The following PI4K2B variants were observed in gnomAD, a reference collection of about 807,000 sequenced individuals.
PI4K2B encodes phosphatidylinositol 4-kinase type 2-beta.
In PI4K2B, 46 loss-of-function variants were observed where a neutral mutation model predicts 56.6. The ratio of observed to expected loss-of-function variants is 0.81; its 90% CI spans 0.64 to 1.04. The LOEUF (loss-of-function observed/expected upper bound fraction) is 1.04, where lower values mean the gene tolerates loss of function less well. Among genes scored for constraint, PI4K2B ranks in the 50% least tolerant of loss-of-function variants. PI4K2B has a pLI of 0.00. For synonymous variants in PI4K2B, 211 were observed against 223.8 expected (o/e 0.94, Z 0.51); for missense variants, 556 against 607.7 (o/e 0.91, Z 0.89).
chr4:25,274,285 G>C (rs534663620), intron 9 of PI4K2B, among the ~76,000 whole-genome samples: 27 of 152,128 alleles, frequency 1.8e-4, no homozygotes, highest in African/African-American at 6.5e-4. Flanking sequence ...AAGCCCACAA[G>C]TTTATACCAC....
At chr4:25,247,360 T>C (rs1282694867) in intron 1 of PI4K2B, among the ~76,000 whole-genome samples, 1 of 151,976 alleles carries the variant, frequency 6.6e-6, no homozygotes, top group African/African-American at 2.4e-5. Context: ...TTCCATCCAT[T>C]GCAGACATGC....
At chr4:25,270,430 C>T (rs990445704) in intron 9 of PI4K2B, among the ~76,000 whole-genome samples, 20 of 152,090 alleles carry the variant, frequency 1.3e-4, no homozygotes, top group Non-Finnish European at 4.4e-5. Flanking sequence ...ACTTCAACCT[C>T]TGTCTCCCAG....
intron 7 of PI4K2B, among the ~76,000 whole-genome samples, chr4:25,264,227 G>A (rs990687827): frequency 1.3e-5 from 2 of 152,134 alleles, no homozygotes; most frequent in Admixed American, 1.3e-4. Context: ...CATTTTTAGG[G>A]AGTAGTGCTT....
intron 1 of PI4K2B, among the ~76,000 whole-genome samples, chr4:25,244,239 T>G (rs960298012): frequency 6.6e-6 from 1 of 151,620 alleles, no homozygotes; most frequent in African/African-American, 2.4e-5. Context: ...AGCCCGGGGG[T>G]TTGTGGTCCT....
intron 7 of PI4K2B, among the ~76,000 whole-genome samples, chr4:25,264,073 AT>A (rs1417581355): frequency 2.0e-5 from 3 of 152,182 alleles, no homozygotes; most frequent in Non-Finnish European, 4.4e-5. Flanking sequence ...GTTTTGTGTT[AT>A]CCTTGGAAAA....
In PI4K2B at chr4:25,269,207, A is replaced by G; in HGVS notation, c.1272+4A>G. Reference sequence around the variant, plus strand: ...GATGTCTGTGATGAGGGGTCAGGTAAGTTACCTTTTTATTTGTTCATAAGG... The same window carrying G: ...GATGTCTGTGATGAGGGGTCAGGTAGGTTACCTTTTTATTTGTTCATAAGG... On this transcript the variant is annotated splice_donor_region_variant and intron_variant, in intron 9 of 9. Transcript: ENST00000264864. The G allele has an allele frequency of 2.7e-6, 4 of 1,503,628 alleles. No individual in the cohort carries two copies. Among genetic ancestry groups the G allele is most frequent in the Middle Eastern group, 1.7e-4 (1 of 5,796 alleles). 93.1% of individuals were successfully genotyped at this position (1,503,628 alleles called of 1,614,324 possible).
intron 9 of PI4K2B, among the ~76,000 whole-genome samples, chr4:25,272,932 A>G (rs955391633): frequency 1.3e-4 from 20 of 152,170 alleles, no homozygotes; most frequent in African/African-American, 4.8e-4. Flanking sequence ...CCTCAAGTCA[A>G]AATACTTGTG....
chr4:25,244,179 G>A (rs533126222), intron 1 of PI4K2B, among the ~76,000 whole-genome samples: 1 of 152,306 alleles, frequency 6.6e-6, no homozygotes, highest in East Asian at 1.9e-4. Context: ...CATGTACCCA[G>A]GTTGGGCCAA....
chr4:25,238,381 T>C (rs71610845), intron 1 of PI4K2B, among the ~76,000 whole-genome samples: 140 of 152,374 alleles, frequency 9.2e-4, no homozygotes, highest in Non-Finnish European at 1.8e-3. Flanking sequence ...GTAGTTCTTA[T>C]AACTTCCCTA....
At chr4:25,235,323 C>T (rs60410101) in intron 1 of PI4K2B, among the ~76,000 whole-genome samples, 12,463 of 152,254 alleles carry the variant, frequency 0.082, 623 homozygotes, top group African/African-American at 0.14. Flanking sequence ...TCGCTTCACA[C>T]ATGACAACTT....
At chr4:25,276,702 T>C (rs1042266710) in intron 9 of PI4K2B, 3 of 985,262 alleles carry the variant, frequency 3.0e-6, no homozygotes, top group South Asian at 9.4e-5. Flanking sequence ...TGTAGACCTC[T>C]TCACTTACCG....
chr4:25,245,161 C>T (rs142998188), intron 1 of PI4K2B, among the ~76,000 whole-genome samples: 1,953 of 152,260 alleles, frequency 0.013, 57 homozygotes, highest in African/African-American at 0.042. Context: ...GTCCCCACTA[C>T]GATGGGGCTT....
chr4:25,234,698 C>T (rs1274321202), intron 1 of PI4K2B, among the ~76,000 whole-genome samples: 4 of 152,250 alleles, frequency 2.6e-5, no homozygotes, highest in Non-Finnish European at 2.9e-5. Flanking sequence ...TGAGTCAAAA[C>T]TTCTAGAAAC....
intron 1 of PI4K2B, among the ~76,000 whole-genome samples, chr4:25,246,488 G>A (rs899256817): frequency 5.9e-5 from 9 of 152,308 alleles, no homozygotes; most frequent in African/African-American, 2.2e-4. Context: ...GCTGATTGGT[G>A]TATTTACAAT....
chr4:25,240,306 G>C (rs1436042883), intron 1 of PI4K2B, among the ~76,000 whole-genome samples: 1 of 152,204 alleles, frequency 6.6e-6, no homozygotes, highest in Non-Finnish European at 1.5e-5. Context: ...CTAGGCCTTG[G>C]CGGTTTTGGA....
chr4:25,261,437 T>C (rs1716474429), intron 6 of PI4K2B, among the ~76,000 whole-genome samples: 1 of 152,010 alleles, frequency 6.6e-6, no homozygotes, highest in Non-Finnish European at 1.5e-5. Flanking sequence ...GTTTTAGATA[T>C]TTACATAAGA....
rs1355053196 is a variant in PI4K2B, at chr4:25,246,241, C to T, written c.269-6080C>T. On this transcript the variant is annotated intron_variant, in intron 1 of 9. Transcript: ENST00000264864. Reference sequence around the variant, plus strand: ...CCTGAGTGGGTTGCCACTGCTGGTTCGGGCAGCCTGCTTTTGTTCCCTTAT... The same window carrying T: ...CCTGAGTGGGTTGCCACTGCTGGTTTGGGCAGCCTGCTTTTGTTCCCTTAT... 8.5e-5 allele frequency among the ~76,000 whole-genome samples: 13 copies of T among 152,150 alleles called. No individual in the cohort carries two copies. In the South Asian group the frequency reaches 1.7e-3, roughly 19 times the overall value.
intron 1 of PI4K2B, among the ~76,000 whole-genome samples, chr4:25,241,450 C>A (rs1352033026): frequency 2.6e-5 from 4 of 152,208 alleles, no homozygotes; most frequent in African/African-American, 9.6e-5. Context: ...AATTTGTTGG[C>A]AGTCATGCTC....
intron 1 of PI4K2B, among the ~76,000 whole-genome samples, chr4:25,249,066 C>T (rs983420945): frequency 4.6e-5 from 7 of 152,220 alleles, no homozygotes; most frequent in East Asian, 1.9e-4. Flanking sequence ...CATCTTGCAC[C>T]GCCCTTAATC....
Sources: gnomAD v4.1 joint callset for allele counts (sites outside exome capture counted in the v4.1 genomes callset) on GRCh38, gnomAD v4.1.1 for gene constraint, MANE v1.5 for transcripts, NCBI Gene and HGNC (gene_info 2026-07-23, HGNC 2026-07-21) for gene names.